Variants in MACROD2 observed in about 807,000 individuals in gnomAD.
MACROD2 encodes the protein ADP-ribose glycohydrolase MACROD2.
Under a neutral mutation model 70.4 loss-of-function variants are expected in MACROD2, and 36 were observed. The observed-to-expected ratio is 0.51, with a 90% confidence interval of 0.39 to 0.68. The LOEUF is 0.68. Ranked by LOEUF, MACROD2 falls within the 30% of genes least tolerant of loss-of-function variation. The pLI is 0.00. For synonymous variants in MACROD2, 172 were observed against 178.8 expected (o/e 0.96, Z 0.30); for missense variants, 496 against 538.4 (o/e 0.92, Z 0.78).
intron 5 of MACROD2, among the ~76,000 whole-genome samples, chr20:14,975,856 C>A (rs189422293): frequency 2.6e-5 from 4 of 152,228 alleles, no homozygotes; most frequent in African/African-American, 9.6e-5. Context: ...AGGATGCGTG[C>A]AAACCCTTAG....
chr20:16,002,603 A>G (rs546593466), intron 15 of MACROD2, among the ~76,000 whole-genome samples: 1 of 152,304 alleles, frequency 6.6e-6, no homozygotes, highest in African/African-American at 2.4e-5. Context: ...CGATGAAACA[A>G]GGAATACAGG....
intron 5 of MACROD2, among the ~76,000 whole-genome samples, chr20:15,189,876 G>A (rs1601197790): frequency 6.6e-6 from 1 of 151,734 alleles, no homozygotes; most frequent in East Asian, 1.9e-4. Flanking sequence ...CTCCTGGCCT[G>A]ATCCTATTGA....
intron 4 of MACROD2, among the ~76,000 whole-genome samples, chr20:14,678,711 A>C (rs1468998677): frequency 1.3e-5 from 2 of 152,254 alleles, no homozygotes; most frequent in East Asian, 3.9e-4. Context: ...TCTTGCCACT[A>C]TTCAGCCTGC....
intron 8 of MACROD2, among the ~76,000 whole-genome samples, chr20:15,845,654 C>T (rs1002421541): frequency 7.9e-5 from 12 of 152,070 alleles, no homozygotes; most frequent in African/African-American, 2.9e-4. Context: ...GTAAGCACAG[C>T]AATCTAAACA....
intron 5 of MACROD2, among the ~76,000 whole-genome samples, chr20:15,104,873 G>A (rs2075899262): frequency 6.6e-6 from 1 of 152,028 alleles, no homozygotes; most frequent in African/African-American, 2.4e-5. Flanking sequence ...ACTGCATTTT[G>A]ATTTCTACAT....
At chr20:15,476,395 G>A (rs2047022681) in intron 7 of MACROD2, among the ~76,000 whole-genome samples, 1 of 152,180 alleles carries the variant, frequency 6.6e-6, no homozygotes, top group Non-Finnish European at 1.5e-5. Flanking sequence ...CCTTCATAAA[G>A]TTGGAATCTT....
intron 8 of MACROD2, among the ~76,000 whole-genome samples, chr20:15,803,403 A>G (rs2063742934): frequency 6.6e-6 from 1 of 152,156 alleles, no homozygotes; most frequent in Admixed American, 6.5e-5. Context: ...AAAGGTAAAA[A>G]GGGATGGATG....
At chr20:14,451,907 T>A (rs549503589) in intron 3 of MACROD2, among the ~76,000 whole-genome samples, 1 of 152,308 alleles carries the variant, frequency 6.6e-6, no homozygotes, top group Non-Finnish European at 1.5e-5. Context: ...CTTTTACATT[T>A]GAATTTTATA....
chr20:14,861,982 T>TATAA (rs1555839481), intron 5 of MACROD2, among the ~76,000 whole-genome samples: 1 of 72,622 alleles, frequency 1.4e-5, no homozygotes, highest in Non-Finnish European at 2.4e-5. Context: ...TATAAATATA[T>TATAA]ATATATATAT....
chr20:15,022,027 A>T (rs1432917148), intron 5 of MACROD2, among the ~76,000 whole-genome samples: 1 of 152,174 alleles, frequency 6.6e-6, no homozygotes, highest in African/African-American at 2.4e-5. Flanking sequence ...AAAAATACAT[A>T]CATTTATGTG....
intron 4 of MACROD2, among the ~76,000 whole-genome samples, chr20:14,510,958 T>G (rs1312663832): frequency 6.6e-6 from 1 of 152,036 alleles, no homozygotes; most frequent in African/African-American, 2.4e-5. Context: ...TAAAATGCTG[T>G]GGGTGTAGGT....
chr20:15,933,257 T>G lies in MACROD2; in HGVS notation c.776-19T>G. ...AATTGACTTGATGCATTTTTTTTCC[T>G]CTGTGGTTTTCTTGAAAGATGAGAA... On this transcript the variant is annotated intron_variant, in intron 10 of 17. Coordinates refer to ENST00000684519, the MANE Select transcript of MACROD2 (RefSeq NM_001351661.2). 1 of 1,612,126 alleles carries G rather than the reference T, an allele frequency of 6.2e-7. No individual in the cohort carries two copies. Among genetic ancestry groups the G allele is most frequent in the Non-Finnish European group, 8.5e-7 (1 of 1,178,948 alleles).
intron 11 of MACROD2, among the ~76,000 whole-genome samples, chr20:15,934,155 C>A (rs567970509): frequency 1.3e-5 from 2 of 152,176 alleles, no homozygotes; most frequent in Non-Finnish European, 2.9e-5. Flanking sequence ...TCTCCCAACT[C>A]TAATAAGCCC....
At chr20:14,162,451 A>G (rs996054311) in intron 3 of MACROD2, among the ~76,000 whole-genome samples, 5 of 152,134 alleles carry the variant, frequency 3.3e-5, no homozygotes, top group Admixed American at 3.3e-4. Context: ...GCTAATTCTG[A>G]GAGTGGGATG....
chr20:14,476,626 GGATTACAGGCGTGAGCCACCATGCCC>G (rs1236134447), intron 3 of MACROD2, among the ~76,000 whole-genome samples: 1 of 152,146 alleles, frequency 6.6e-6, no homozygotes, highest in Non-Finnish European at 1.5e-5. Flanking sequence ...CAAAGTGTTG[GGATTACAGGCGTGAGCCACCATGCCC>G]GGCGTATTAC....
At chr20:14,256,452 C>CAATTTATAAATCAATTTGATTAT (rs2082057146) in intron 3 of MACROD2, among the ~76,000 whole-genome samples, 1 of 152,028 alleles carries the variant, frequency 6.6e-6, no homozygotes, top group East Asian at 1.9e-4. Context: ...TTATATTAGA[C>CAATTTATAAATCAATTTGATTAT]ATTTTTTTGT....
At chr20:14,276,077 C>A (rs2082252166) in intron 3 of MACROD2, among the ~76,000 whole-genome samples, 1 of 151,890 alleles carries the variant, frequency 6.6e-6, no homozygotes. Context: ...GGCGATTCCT[C>A]AGGGATCTAG....
At chr20:15,280,553 T>C (rs2077434761) in intron 6 of MACROD2, among the ~76,000 whole-genome samples, 1 of 152,188 alleles carries the variant, frequency 6.6e-6, no homozygotes, top group Non-Finnish European at 1.5e-5. Context: ...TGGACATTGG[T>C]GTGTCTTTCT....
At chr20:14,178,726 CTTTTT>C (rs79773305) in intron 3 of MACROD2, among the ~76,000 whole-genome samples, 1 of 102,980 alleles carries the variant, frequency 9.7e-6, no homozygotes, top group Admixed American at 1.0e-4. Flanking sequence ...GCCAAGTCAG[CTTTTT>C]TTTTTTTTTT....
Sources: allele counts gnomAD v4.1 joint callset (sites outside exome capture counted in the v4.1 genomes callset), GRCh38; gene constraint gnomAD v4.1.1; transcripts MANE v1.5; gene names NCBI Gene and HGNC (gene_info 2026-07-23, HGNC 2026-07-21).